OR2F2: variants seen among roughly 807,000 people sequenced by gnomAD.
The protein encoded by OR2F2 is olfactory receptor 2F2.
For missense variants in OR2F2, 375 were observed against 380.2 expected, an observed-to-expected ratio of 0.99 and a Z score of 0.11; for synonymous variants, 161 against 159.0, an observed-to-expected ratio of 1.01 and a Z score of -0.09.
In OR2F2 at chr7:143,935,720, C is replaced by T. The variant is rs779736615; in HGVS notation, c.488C>T (p.Thr163Ile). 6.2e-7 allele frequency: 1 copy of T among 1,614,232 alleles called. No individual in the cohort carries two copies. Residue 163 changes from threonine (T) to isoleucine (I), a missense_variant, in exon 1 of 1, where the codon ACC (threonine) becomes ATC (isoleucine). Thr to Ile is a moderately conservative substitution (Grantham distance 89). Coordinates refer to ENST00000408955, the MANE Select transcript of OR2F2 (RefSeq NM_001004685.1). ...SINSLVQTAITFQLPMCTNKF... is the reference protein window; with the variant it reads ...SINSLVQTAIIFQLPMCTNKF... ...AACTCTCTTGTGCAGACTGCTATCA[C>T]CTTTCAGCTGCCCATGTGCACTAAC...
rs115160237 is a variant in OR2F2 at position 143,935,877 on chromosome 7, G to A, written c.645G>A (p.Leu215=). The change falls in exon 1 of 1, where the codon CTG becomes CTA. Residue 215 remains leucine (L), a synonymous_variant. Transcript: ENST00000408955. ...VLLMTPFCLV[L]LSYIRIISTI... ...TGATGACACCTTTCTGCCTGGTTCTGTTGTCCTACATCCGGATCATCTCCA... is the reference window on the plus strand; with the variant it reads ...TGATGACACCTTTCTGCCTGGTTCTATTGTCCTACATCCGGATCATCTCCA... 1 of 1,614,150 alleles carries A rather than the reference G, an allele frequency of 6.2e-7. No homozygotes were observed. Among genetic ancestry groups the A allele is most frequent in the Admixed American group, 1.7e-5 (1 of 60,010 alleles).
Position 143,935,837 on chromosome 7 carries a change from C to T in OR2F2, c.605C>T (p.Ser202Phe), listed in dbSNP as rs1433745021. 1.2e-6 allele frequency: 2 copies of T among 1,614,128 alleles called. No individual in the cohort carries two copies. The highest frequency in any genetic ancestry group is 2.7e-5 in the African/African-American group (2 of 74,946). The change falls in exon 1 of 1, where the codon TCT becomes TTT. Residue 202 changes from serine to phenylalanine, a missense_variant. Transcript: ENST00000408955. The part of the protein sequence containing the change: ...TSSNEAAIMV[S>F]SIVLLMTPFC... Reference sequence around the variant, plus strand: ...TCCAATGAGGCTGCCATCATGGTGTCTAGCATTGTTCTTCTGATGACACCT... The same window carrying T: ...TCCAATGAGGCTGCCATCATGGTGTTTAGCATTGTTCTTCTGATGACACCT...
chr7:143,936,089 AC>A lies in OR2F2; in HGVS notation c.860del (p.Pro287LeufsTer2). Reference protein sequence around the residue: ...VFYAIVMPLLNPVIYSLRNKE... With the variant: ...VFYAIVMPLLXPVIYSLRNKE... The stretch of plus-strand genomic sequence containing the variant: ...TATGCCATTGTTATGCCTCTGCTGA[AC>A]CCTGTGATTTATAGTCTAAGGAATA... On this transcript the variant is annotated frameshift_variant, in exon 1 of 1. Coordinates refer to ENST00000408955, the MANE Select transcript of OR2F2 (RefSeq NM_001004685.1). LOFTEE classifies it high-confidence loss of function. The A allele has an allele frequency of 6.2e-7, 1 of 1,613,926 alleles. No homozygotes were observed. Among genetic ancestry groups the A allele is most frequent in the Non-Finnish European group, 8.5e-7 (1 of 1,179,966 alleles).
chr7:143,936,137 A>G lies in OR2F2; in HGVS notation c.905A>G (p.His302Arg), dbSNP rs752901024. The change falls in exon 1 of 1, where the codon CAT becomes CGT. Residue 302 changes from histidine to arginine, a missense_variant. Transcript: ENST00000408955. ...AATAAAGAGGTGAAGGGGGCCTGGC[A>G]TAAACTATTAGAGAAATTCTCTGGG... ...LRNKEVKGAW[H>R]KLLEKFSGLT... 2 of 1,612,394 alleles carry G rather than the reference A, an allele frequency of 1.2e-6. No individual in the cohort carries two copies. Among genetic ancestry groups the G allele is most frequent in the Non-Finnish European group, 1.7e-6 (2 of 1,179,472 alleles).
rs1456421939 is a variant in OR2F2 at position 143,935,768 on chromosome 7, G to A, written c.536G>A (p.Cys179Tyr). 6.2e-7 allele frequency: 1 copy of A among 1,614,100 alleles called. No homozygotes were observed. Among genetic ancestry groups the A allele is most frequent in the African/African-American group, 1.3e-5 (1 of 74,932 alleles). ...AACAAGTTTATTGATCACATATCCT[G>A]TGAACTCCTAGCTGTGGTCAGGCTG... Reference protein sequence around the residue: ...CTNKFIDHISCELLAVVRLAC... With the variant: ...CTNKFIDHISYELLAVVRLAC... Residue 179 changes from cysteine to tyrosine, a missense_variant, in exon 1 of 1, where the codon TGT becomes TAT. Transcript: ENST00000408955.
Position 143,935,580 on chromosome 7 carries a change from A to G in OR2F2, c.348A>G (p.Ala116=), listed in dbSNP as rs112974042. The part of the protein sequence containing the change: ...ALGGIEFVLL[A]VMAYDRHVAV... ...GTGGGATTGAGTTTGTTCTCCTGGCAGTGATGGCCTATGACCGCCATGTGG... is the reference window on the plus strand; with the variant it reads ...GTGGGATTGAGTTTGTTCTCCTGGCGGTGATGGCCTATGACCGCCATGTGG... Residue 116 remains alanine, a synonymous_variant, in exon 1 of 1, where the codon GCA becomes GCG. Coordinates refer to ENST00000408955, the MANE Select transcript of OR2F2 (RefSeq NM_001004685.1). 480 of 1,614,212 alleles carry G rather than the reference A, an allele frequency of 3.0e-4. 6 individuals carry two copies. The East Asian group carries it at 7.0e-3, about 24-fold the overall frequency.
rs746316321 is a variant in OR2F2 at position 143,935,245 on chromosome 7, A to T, written c.13A>T (p.Asn5Tyr). The T allele has an allele frequency of 6.2e-7, 1 of 1,609,278 alleles. No individual in the cohort carries two copies. Among genetic ancestry groups the T allele is most frequent in the South Asian group, 1.1e-5 (1 of 90,644 alleles). The change falls in exon 1 of 1, where the codon AAC becomes TAC. Residue 5 changes from asparagine to tyrosine, a missense_variant. Asn to Tyr is a moderately radical substitution (Grantham distance 143). Transcript: ENST00000408955. ...CTCACATTTTTAAATGGAAATAGAT[A>T]ACCAGACGTGGGTGAGAGAATTTAT... MEID[N>Y]QTWVREFILL...
rs1471813570 is a variant in OR2F2, at chr7:143,935,423, C to T, written c.191C>T (p.Thr64Ile). 8.7e-6 allele frequency: 14 copies of T among 1,614,174 alleles called. No individual in the cohort carries two copies. The highest frequency in any genetic ancestry group is 1.1e-5 in the Non-Finnish European group (13 of 1,180,022). ...RLHTPMYFFL[T>I]NLSLVDVSYA... ...CACACTCCCATGTATTTCTTTCTCA[C>T]CAACCTCTCCCTTGTCGATGTCTCC... The change falls in exon 1 of 1, where the codon ACC (threonine) becomes ATC (isoleucine). Residue 64 changes from threonine to isoleucine, a missense_variant. By Grantham distance (89) the Thr-to-Ile change is moderately conservative. Transcript: ENST00000408955.
At position 143,935,599 on chromosome 7, in the gene OR2F2, C is replaced by T. The variant is rs371979913; in HGVS notation, c.367C>T (p.His123Tyr). 47 of 1,614,024 alleles carry T rather than the reference C, an allele frequency of 2.9e-5. No homozygotes were observed. In the African/African-American group the frequency reaches 3.6e-4, roughly 12 times the overall value. ...VLLAVMAYDR[H>Y]VAVSDRLRYS... Reference sequence around the variant, plus strand: ...CCTGGCAGTGATGGCCTATGACCGCCATGTGGCTGTGTCTGACCGCCTGCG... The same window carrying T: ...CCTGGCAGTGATGGCCTATGACCGCTATGTGGCTGTGTCTGACCGCCTGCG... The change falls in exon 1 of 1, where the codon CAT becomes TAT. Residue 123 changes from histidine to tyrosine, a missense_variant. Transcript: ENST00000408955.
Position 143,936,040 on chromosome 7 carries a change from C to CA in OR2F2, c.810dup (p.Glu271ArgfsTer21). The CA allele has an allele frequency of 6.2e-7, 1 of 1,614,094 alleles. No homozygotes were observed. Among genetic ancestry groups the CA allele is most frequent in the Non-Finnish European group, 8.5e-7 (1 of 1,180,032 alleles). On this transcript the variant is annotated frameshift_variant, in exon 1 of 1. Coordinates refer to ENST00000408955, the MANE Select transcript of OR2F2 (RefSeq NM_001004685.1). LOFTEE classifies it low-confidence loss of function (END_TRUNC). Reference sequence around the variant, plus strand: ...GCCCCACTCTGGTCCCTCAGTCCTTCAAGAGAAGCTGATCTCTGTCTTCTA... The same window carrying CA: ...GCCCCACTCTGGTCCCTCAGTCCTTCAAAGAGAAGCTGATCTCTGTCTTCTA...
In OR2F2 at chr7:143,935,758, C is replaced by T. The variant is rs1157872912; in HGVS notation, c.526C>T (p.His176Tyr). The part of the protein sequence containing the change: ...LPMCTNKFID[H>Y]ISCELLAVVR... ...CATGTGCACTAACAAGTTTATTGAT[C>T]ACATATCCTGTGAACTCCTAGCTGT... is the stretch of plus-strand genomic sequence containing the variant. The change falls in exon 1 of 1, where the codon CAC becomes TAC. Residue 176 changes from histidine (H) to tyrosine (Y), a missense_variant. Coordinates refer to ENST00000408955, the MANE Select transcript of OR2F2 (RefSeq NM_001004685.1). 2 of 1,614,210 alleles carry T rather than the reference C, an allele frequency of 1.2e-6. No homozygotes were observed. Among genetic ancestry groups the T allele is most frequent in the East Asian group, 4.5e-5 (2 of 44,872 alleles).
chr7:143,936,132 C>T lies in OR2F2; in HGVS notation c.900C>T (p.Ala300=). 5.6e-6 allele frequency: 9 copies of T among 1,612,474 alleles called. No homozygotes were observed. Among genetic ancestry groups the T allele is most frequent in the Non-Finnish European group, 7.6e-6 (9 of 1,179,506 alleles). The change falls in exon 1 of 1, where the codon GCC becomes GCT. Residue 300 remains alanine, a synonymous_variant. Coordinates refer to ENST00000408955, the MANE Select transcript of OR2F2 (RefSeq NM_001004685.1). ...YSLRNKEVKG[A]WHKLLEKFSG... ...TAAGGAATAAAGAGGTGAAGGGGGC[C>T]TGGCATAAACTATTAGAGAAATTCT...
In OR2F2 at chr7:143,935,988, C is replaced by T. The variant is rs757273782; in HGVS notation, c.756C>T (p.Tyr252=). ...ACCTCACGGTGGTTGCCCTGTGCTACGGCACAACGATTTTCACTTACATCC... is the reference window on the plus strand; with the variant it reads ...ACCTCACGGTGGTTGCCCTGTGCTATGGCACAACGATTTTCACTTACATCC... ...ASHLTVVALC[Y]GTTIFTYIQP... Residue 252 remains tyrosine, a synonymous_variant, in exon 1 of 1, where the codon TAC becomes TAT. Transcript: ENST00000408955. The T allele has an allele frequency of 4.7e-5, 76 of 1,613,486 alleles. No individual in the cohort carries two copies. Among genetic ancestry groups the T allele is most frequent in the Middle Eastern group, 1.6e-4 (1 of 6,082 alleles).
In OR2F2 at chr7:143,935,320, C is replaced by G; in HGVS notation, c.88C>G (p.Leu30Val). Residue 30 changes from leucine (L) to valine (V), a missense_variant, in exon 1 of 1, where the codon CTG becomes GTG. Physicochemically the swap from Leu to Val is conservative, Grantham distance 32. Coordinates refer to ENST00000408955, the MANE Select transcript of OR2F2 (RefSeq NM_001004685.1). ...DWCTQISLFS[L>V]FLVTYLMTVL... ...GTGCACTCAGATATCCCTGTTTTCC[C>G]TGTTCTTGGTCACATACCTCATGAC... is the stretch of plus-strand genomic sequence containing the variant. The G allele has an allele frequency of 6.2e-7, 1 of 1,614,154 alleles. No homozygotes were observed. The highest frequency in any genetic ancestry group is 8.5e-7 in the Non-Finnish European group (1 of 1,180,026).
chr7:143,935,764 T>A lies in OR2F2; in HGVS notation c.532T>A (p.Ser178Thr). 1 of 1,614,206 alleles carries A rather than the reference T, an allele frequency of 6.2e-7. No homozygotes were observed. The highest frequency in any genetic ancestry group is 8.5e-7 in the Non-Finnish European group (1 of 1,180,026). ...CACTAACAAGTTTATTGATCACATATCCTGTGAACTCCTAGCTGTGGTCAG... is the reference window on the plus strand; with the variant it reads ...CACTAACAAGTTTATTGATCACATAACCTGTGAACTCCTAGCTGTGGTCAG... ...MCTNKFIDHI[S>T]CELLAVVRLA... is the part of the protein sequence containing the mutation. Residue 178 changes from serine (S) to threonine (T), a missense_variant, in exon 1 of 1, where the codon TCC becomes ACC. Transcript: ENST00000408955.
At position 143,935,665 on chromosome 7, in the gene OR2F2, G is replaced by A. The variant is rs776671643; in HGVS notation, c.433G>A (p.Ala145Thr). 1.2e-6 allele frequency: 2 copies of A among 1,614,200 alleles called. No individual in the cohort carries two copies. The highest frequency in any genetic ancestry group is 1.7e-6 in the Non-Finnish European group (2 of 1,180,036). ...GCATGGAGGGCTGTGTGCTAGGTTGGCCATCACATCCTGGGTCAGTGGCTC... is the reference window on the plus strand; with the variant it reads ...GCATGGAGGGCTGTGTGCTAGGTTGACCATCACATCCTGGGTCAGTGGCTC... ...IMHGGLCARLAITSWVSGSIN... is the reference protein window; with the variant it reads ...IMHGGLCARLTITSWVSGSIN... Residue 145 changes from alanine to threonine, a missense_variant, in exon 1 of 1, where the codon GCC becomes ACC. Transcript: ENST00000408955.
In OR2F2 at chr7:143,935,623, C is replaced by T. The variant is rs185106716; in HGVS notation, c.391C>T (p.Arg131Ter). 37 of 1,614,068 alleles carry T rather than the reference C, an allele frequency of 2.3e-5. No homozygotes were observed. In the Admixed American group the frequency reaches 2.5e-4, roughly 11 times the overall value. The change falls in exon 1 of 1, where the codon CGA (arginine) becomes TGA (stop). Residue 131 changes from arginine (R) to a stop codon, truncating the protein, a stop_gained. Coordinates refer to ENST00000408955, the MANE Select transcript of OR2F2 (RefSeq NM_001004685.1). LOFTEE classifies it low-confidence loss of function (END_TRUNC). ...CCATGTGGCTGTGTCTGACCGCCTG[C>T]GATACTCGGCCATCATGCATGGAGG... ...DRHVAVSDRL[R>*]YSAIMHGGLC...
In OR2F2 at chr7:143,935,579, C is replaced by A. The variant is rs769624267; in HGVS notation, c.347C>A (p.Ala116Glu). Residue 116 changes from alanine (A) to glutamate (E), a missense_variant, in exon 1 of 1, where the codon GCA (alanine) becomes GAA (glutamate). Ala to Glu is a moderately radical substitution (Grantham distance 107). Coordinates refer to ENST00000408955, the MANE Select transcript of OR2F2 (RefSeq NM_001004685.1). ...ALGGIEFVLLAVMAYDRHVAV... is the reference protein window; with the variant it reads ...ALGGIEFVLLEVMAYDRHVAV... ...GGTGGGATTGAGTTTGTTCTCCTGG[C>A]AGTGATGGCCTATGACCGCCATGTG... 1.9e-6 allele frequency: 3 copies of A among 1,614,192 alleles called. No homozygotes were observed. Among genetic ancestry groups the A allele is most frequent in the Non-Finnish European group, 2.5e-6 (3 of 1,180,036 alleles).
rs1020311045 is a variant in OR2F2 at position 143,935,831 on chromosome 7, T to C, written c.599T>C (p.Met200Thr). 1 of 1,614,126 alleles carries C rather than the reference T, an allele frequency of 6.2e-7. No homozygotes were observed. Among genetic ancestry groups the C allele is most frequent in the Non-Finnish European group, 8.5e-7 (1 of 1,180,048 alleles). Residue 200 changes from methionine to threonine, a missense_variant, in exon 1 of 1, where the codon ATG (methionine) becomes ACG (threonine). Coordinates refer to ENST00000408955, the MANE Select transcript of OR2F2 (RefSeq NM_001004685.1). ...ACCTCCTCCAATGAGGCTGCCATCA[T>C]GGTGTCTAGCATTGTTCTTCTGATG... The part of the protein sequence containing the change: ...VDTSSNEAAI[M>T]VSSIVLLMTP...
Sources: gnomAD v4.1 joint callset for allele counts on GRCh38, gnomAD v4.1.1 for gene constraint, MANE v1.5 for transcripts, NCBI Gene and HGNC (gene_info 2026-07-23, HGNC 2026-07-21) for gene names.